The following BIN1 variants were observed in gnomAD, a reference collection of about 807,000 sequenced individuals.
BIN1 encodes the protein myc box-dependent-interacting protein 1.
A neutral mutation model predicts 82.0 loss-of-function variants in BIN1; 53 were observed. The ratio of observed to expected loss-of-function variants is 0.65; its 90% CI spans 0.52 to 0.81. The LOEUF is 0.81. BIN1 is among the 40% of genes least tolerant of loss of function. The pLI is 0.00. For missense variants in BIN1, 642 were observed against 784.4 expected (o/e 0.82, Z 2.17); for synonymous variants, 302 against 328.0 (o/e 0.92, Z 0.86).
At chr2:127,074,699 T>TTTTG (rs60320134) in intron 2 of BIN1, among the ~76,000 whole-genome samples, 26,331 of 151,762 alleles carry the variant, frequency 0.17, 2,396 homozygotes, top group South Asian at 0.25. Flanking sequence ...TCAGCCTGTT[T>TTTTG]TTTGTTTGTT....
At chr2:127,073,594 G>T (rs1573668189) in intron 2 of BIN1, among the ~76,000 whole-genome samples, 1 of 148,334 alleles carries the variant, frequency 6.7e-6, no homozygotes, top group African/African-American at 2.7e-5. Flanking sequence ...AGTGGGTCTA[G>T]GGGGCAGGGA....
At chr2:127,055,238 G>A (rs943955183) in intron 12 of BIN1, 10 of 152,502 alleles carry the variant, frequency 6.6e-5, no homozygotes, top group African/African-American at 2.4e-4. Context: ...GCTCCCCAGA[G>A]GCACCTCCAT....
chr2:127,062,266 C>T, intron 9 of BIN1, 69 bp from the exon 10 acceptor site: 1 of 1,450,042 alleles, frequency 6.9e-7, no homozygotes, highest in Non-Finnish European at 9.4e-7. Context: ...TCCCCAAACA[C>T]CTCTGCTTCT....
At chr2:127,102,404 G>C (rs1171229713) in intron 1 of BIN1, among the ~76,000 whole-genome samples, 1 of 152,202 alleles carries the variant, frequency 6.6e-6, no homozygotes, top group African/African-American at 2.4e-5. Context: ...GCGATCCATA[G>C]ATCTTCCTGG....
rs1687405248 is a variant in BIN1, at chr2:127,082,332, G to T, written c.85-5626C>A. 6.6e-6 allele frequency among the ~76,000 whole-genome samples: 1 copy of T among 152,206 alleles called. No individual in the cohort carries two copies. The highest frequency in any genetic ancestry group is 6.5e-5 in the Admixed American group (1 of 15,288). On this transcript the variant is annotated intron_variant, in intron 1 of 18. Coordinates refer to ENST00000316724, the MANE Select transcript of BIN1 (RefSeq NM_139343.3). This position sits in a 1 kb window ranked among gnomAD's most constrained non-coding sequence, Gnocchi z 6.1. ...GATCTTTCCGCCCTCATGCTCCAGG[G>T]GCCCCTGCAGGGGAGACAGAGGGCA... is the stretch of plus-strand genomic sequence containing the variant.
chr2:127,104,952 C>T (rs1446444091), intron 1 of BIN1, among the ~76,000 whole-genome samples: 1 of 152,210 alleles, frequency 6.6e-6, no homozygotes, highest in Non-Finnish European at 1.5e-5. Context: ...CACTAAACAA[C>T]TCCAGTCCCA....
chr2:127,088,354 T>C (rs566871653), intron 1 of BIN1, among the ~76,000 whole-genome samples: 14 of 152,162 alleles, frequency 9.2e-5, no homozygotes, highest in African/African-American at 3.1e-4. Flanking sequence ...CCATGCTCTA[T>C]GGGAAGCCAA....
At chr2:127,054,620 A>G (rs574400129) in intron 12 of BIN1, 1 of 155,720 alleles carries the variant, frequency 6.4e-6, no homozygotes, top group South Asian at 2.0e-4. Flanking sequence ...CCAGCCACAA[A>G]GCCCAACAGG....
intron 2 of BIN1, among the ~76,000 whole-genome samples, chr2:127,074,425 G>A (rs982464263): frequency 2.0e-5 from 3 of 152,190 alleles, no homozygotes; most frequent in South Asian, 2.1e-4. Context: ...GAGCCCGGGG[G>A]CAGACAGAGG....
In BIN1 at chr2:127,091,054, A is replaced by G. The variant is rs528868525; in HGVS notation, c.85-14348T>C. Among the ~76,000 whole-genome samples the G allele has an allele frequency of 3.9e-5, 6 of 152,220 alleles. No individual in the cohort carries two copies. In the South Asian group the frequency reaches 8.3e-4, roughly 21 times the overall value. ...ATCAAAGTCCTCGGTTTCTATATCC[A>G]TGACACTGGAACTAGTAAATGGTGC... On this transcript the variant is annotated intron_variant, in intron 1 of 18. Transcript: ENST00000316724.
At chr2:127,071,487 C>T (rs1685891546) in intron 2 of BIN1, among the ~76,000 whole-genome samples, 1 of 152,110 alleles carries the variant, frequency 6.6e-6, no homozygotes, top group African/African-American at 2.4e-5. Context: ...GGTGAAGCTC[C>T]CTGAGCAGGG....
chr2:127,065,597 G>A (rs1002500352), intron 7 of BIN1, among the ~76,000 whole-genome samples: 1 of 152,130 alleles, frequency 6.6e-6, no homozygotes, highest in Non-Finnish European at 1.5e-5. Flanking sequence ...CCCACATTCC[G>A]TAAGAACCTG....
rs960148093 is a variant in BIN1 at position 127,059,812 on chromosome 2, G to A, written c.858-657C>T. On this transcript the variant is annotated intron_variant, in intron 10 of 18. Coordinates refer to ENST00000316724, the MANE Select transcript of BIN1 (RefSeq NM_139343.3). The surrounding 1 kb of genome is among the most constrained non-coding windows in gnomAD (Gnocchi z 6.7). ...ATGGCGTTCAGTGCCAGAACCCAAG[G>A]CGGAGGTGGTGTGATGCTGTGCACC... 3.9e-5 allele frequency among the ~76,000 whole-genome samples: 6 copies of A among 152,178 alleles called. No homozygotes were observed. The highest frequency in any genetic ancestry group is 1.4e-4 in the African/African-American group (6 of 41,430).
Position 127,068,065 on chromosome 2 carries a change from TG to T in BIN1, c.612+97del. ...GGCCTTTGAAAAACCCTGCCCCAGC[TG>T]GGCTCAGATGCCAGCCCTGCATTCC... On this transcript the variant is annotated intron_variant, in intron 7 of 18. Coordinates refer to ENST00000316724, the MANE Select transcript of BIN1 (RefSeq NM_139343.3). This position sits in a 1 kb window ranked among gnomAD's most constrained non-coding sequence, Gnocchi z 4.9. The T allele has an allele frequency of 1.6e-6, 2 of 1,256,844 alleles. No homozygotes were observed. Among genetic ancestry groups the T allele is most frequent in the African/African-American group, 1.5e-5 (1 of 67,326 alleles). The allele number at this position is 1,256,844 out of a possible 1,614,324, so 77.9% of individuals were successfully genotyped here. A position where few individuals can be genotyped will look rare whatever the true frequency, so the allele number is the denominator to read the frequency against.
chr2:127,065,619 C>T (rs545430420), intron 7 of BIN1, among the ~76,000 whole-genome samples: 9 of 152,290 alleles, frequency 5.9e-5, no homozygotes, highest in Non-Finnish European at 8.8e-5. Context: ...CTGGACCACC[C>T]GGCTCCTGTA....
chr2:127,064,145 A>G, intron 7 of BIN1, 127 bp from the exon 8 acceptor site: 1 of 1,089,648 alleles, frequency 9.2e-7, no homozygotes. Context: ...CGGGCAAGAC[A>G]GAGGCTGAAC....
rs1039743014 is a variant in BIN1 at position 127,093,041 on chromosome 2, GC to G, written c.84+13818del. Among the ~76,000 whole-genome samples the G allele has an allele frequency of 2.0e-5, 3 of 151,736 alleles. No homozygotes were observed. The highest frequency in any genetic ancestry group is 4.4e-5 in the Non-Finnish European group (3 of 67,950). On this transcript the variant is annotated intron_variant, in intron 1 of 18. Coordinates refer to ENST00000316724, the MANE Select transcript of BIN1 (RefSeq NM_139343.3). The surrounding 1 kb of genome is among the most constrained non-coding windows in gnomAD (Gnocchi z 5.7). ...CAAAGGAGTGGGGCACAGCCTGGGG[GC>G]CCCCCCACAGATGCCAGGTCAGCCC...
chr2:127,095,582 C>T (rs1326738780), intron 1 of BIN1, among the ~76,000 whole-genome samples: 1 of 152,222 alleles, frequency 6.6e-6, no homozygotes, highest in Non-Finnish European at 1.5e-5. Flanking sequence ...AAGACATCTG[C>T]ACCTTAACAG....
At chr2:127,069,419 G>C (rs1214954415) in intron 5 of BIN1, among the ~76,000 whole-genome samples, 1 of 152,098 alleles carries the variant, frequency 6.6e-6, no homozygotes, top group East Asian at 1.9e-4. Context: ...GCCCACCAAG[G>C]GGATCTCGTC....
Sources: gnomAD v4.1 joint callset for allele counts (sites outside exome capture counted in the v4.1 genomes callset) on GRCh38, gnomAD v4.1.1 for gene constraint, Gnocchi (gnomAD v3.1) non-coding constraint, MANE v1.5 for transcripts, NCBI Gene and HGNC (gene_info 2026-07-23, HGNC 2026-07-21) for gene names.